Variants in CEP70 observed in about 807,000 individuals in gnomAD.
CEP70 encodes centrosomal protein of 70 kDa.
A neutral mutation model predicts 90.9 loss-of-function variants in CEP70; 70 were observed. The observed-to-expected ratio is 0.77, with a 90% confidence interval of 0.64 to 0.94. The LOEUF (loss-of-function observed/expected upper bound fraction) is 0.94, where lower values mean the gene tolerates loss of function less well. Ranked by LOEUF, CEP70 falls within the 40% of genes least tolerant of loss-of-function variation. The pLI is 0.00. For missense variants in CEP70, 648 were observed against 669.0 expected (o/e 0.97, Z 0.35); for synonymous variants, 220 against 228.3 (o/e 0.96, Z 0.33).
At chr3:138,584,083 G>T (rs1451881988) in intron 2 of CEP70, among the ~76,000 whole-genome samples, 3 of 151,942 alleles carry the variant, frequency 2.0e-5, no homozygotes, top group Non-Finnish European at 1.5e-5. Flanking sequence ...GATGAAAAAG[G>T]AGACATTACA....
intron 2 of CEP70, among the ~76,000 whole-genome samples, chr3:138,575,913 T>C (rs1164752776): frequency 6.6e-6 from 1 of 152,164 alleles, no homozygotes; most frequent in African/African-American, 2.4e-5. Flanking sequence ...AGAGATTGTG[T>C]CACCACCAGG....
chr3:138,553,423 T>C (rs1022585246), intron 6 of CEP70, among the ~76,000 whole-genome samples: 5 of 151,150 alleles, frequency 3.3e-5, no homozygotes, highest in Non-Finnish European at 7.4e-5. Context: ...GAGCTTGCAG[T>C]GAGCTGAGAT....
chr3:138,534,706 T>C (rs181339488), intron 7 of CEP70, among the ~76,000 whole-genome samples: 1 of 152,330 alleles, frequency 6.6e-6, no homozygotes, highest in Non-Finnish European at 1.5e-5. Flanking sequence ...TATATGGACT[T>C]TGGAAGTTCT....
chr3:138,537,400 T>C, intron 6 of CEP70, 53 bp from the exon 7 acceptor site: 1 of 1,257,656 alleles, frequency 8.0e-7, no homozygotes, highest in Non-Finnish European at 1.1e-6. Context: ...TAGGACATGC[T>C]ATCCTAACAG....
chr3:138,547,877 T>C (rs757780433), intron 6 of CEP70, among the ~76,000 whole-genome samples: 2 of 152,220 alleles, frequency 1.3e-5, no homozygotes, highest in Admixed American at 6.5e-5. Flanking sequence ...TTTAAACTTA[T>C]GAACTATTTA....
At chr3:138,555,141 C>T (rs551058215) in intron 6 of CEP70, among the ~76,000 whole-genome samples, 5 of 151,224 alleles carry the variant, frequency 3.3e-5, no homozygotes, top group African/African-American at 9.7e-5. Context: ...CCCACCTACT[C>T]GGAAGGCTGA....
In CEP70 at chr3:138,571,369, A is replaced by T; in HGVS notation, c.70-13T>A. On this transcript the variant is annotated splice_polypyrimidine_tract_variant and intron_variant, in intron 3 of 17. Coordinates refer to ENST00000264982, the MANE Select transcript of CEP70 (RefSeq NM_024491.4). The stretch of plus-strand genomic sequence containing the variant: ...CTGCTTCTTCCTGCTACAATTACAG[A>T]AAGAGAAGAAAGGGTTAACTTTAGA... 6.6e-7 allele frequency: 1 copy of T among 1,519,162 alleles called. No individual in the cohort carries two copies. Among genetic ancestry groups the T allele is most frequent in the Non-Finnish European group, 9.1e-7 (1 of 1,099,140 alleles). The allele number at this position is 1,519,162 out of a possible 1,614,324, so 94.1% of individuals were successfully genotyped here. A position where few individuals can be genotyped will look rare whatever the true frequency, so the allele number is the denominator to read the frequency against.
At chr3:138,525,036 T>C (rs1215083798) in intron 11 of CEP70, among the ~76,000 whole-genome samples, 1 of 152,124 alleles carries the variant, frequency 6.6e-6, no homozygotes, top group Non-Finnish European at 1.5e-5. Context: ...AATGATAGAC[T>C]GGATTAAGAA....
intron 1 of CEP70, chr3:138,592,881 TA>T (rs2042452545): frequency 6.6e-6 from 1 of 152,358 alleles, no homozygotes; most frequent in African/African-American, 2.4e-5. Flanking sequence ...AATGAACATG[TA>T]ACCCTTTCGA....
At chr3:138,592,655 T>C (rs1376782465) in intron 1 of CEP70, among the ~76,000 whole-genome samples, 4 of 152,190 alleles carry the variant, frequency 2.6e-5, no homozygotes, top group Non-Finnish European at 5.9e-5. Flanking sequence ...TCTGGCACTT[T>C]CTAGGTTTCC....
chr3:138,588,938 T>C (rs991790439), intron 2 of CEP70, among the ~76,000 whole-genome samples: 9 of 152,136 alleles, frequency 5.9e-5, no homozygotes, highest in African/African-American at 2.2e-4. Flanking sequence ...AATGTCAAAA[T>C]AATTACGCTG....
intron 6 of CEP70, among the ~76,000 whole-genome samples, chr3:138,556,510 A>G (rs1314122152): frequency 7.3e-6 from 1 of 136,920 alleles, no homozygotes; most frequent in Non-Finnish European, 1.6e-5. Context: ...CCTGGGTGAC[A>G]GAGTGAGACT....
Position 138,500,426 on chromosome 3 carries a change from T to A in CEP70, c.1510A>T (p.Arg504Ter), listed in dbSNP as rs2034391184. ...TRLGEMNNAV[R>*]NLQELLELDS... is the part of the protein sequence containing the mutation. The stretch of plus-strand genomic sequence containing the variant: ...AATTCTAAGAGTTCTTGGAGGTTTC[T>A]CACAGCATTGTTCATTTCTCCAAGC... The change falls in exon 15 of 18, where the codon AGA becomes TGA. Residue 504 changes from arginine (R) to a stop codon, truncating the protein, a stop_gained. Transcript: ENST00000264982. LOFTEE classifies it high-confidence loss of function. 1 of 1,597,506 alleles carries A rather than the reference T, an allele frequency of 6.3e-7. No individual in the cohort carries two copies. The highest frequency in any genetic ancestry group is 1.8e-5 in the Admixed American group (1 of 55,204).
At chr3:138,515,467 CAAA>C (rs145902706) in intron 11 of CEP70, among the ~76,000 whole-genome samples, 1 of 65,384 alleles carries the variant, frequency 1.5e-5, no homozygotes, top group African/African-American at 6.1e-5. Context: ...CATAGAAATG[CAAA>C]AAAAAAAAAA....
At chr3:138,552,226 G>C (rs529955524) in intron 6 of CEP70, among the ~76,000 whole-genome samples, 1 of 152,218 alleles carries the variant, frequency 6.6e-6, no homozygotes, top group East Asian at 1.9e-4. Flanking sequence ...CAATAATAGT[G>C]GGGGACTTCA....
At chr3:138,592,057 T>A (rs2042409771) in intron 1 of CEP70, 101 bp from the exon 2 acceptor site, 3 of 533,868 alleles carry the variant, frequency 5.6e-6, no homozygotes, top group Admixed American at 7.2e-5. Context: ...AAGGTACTGG[T>A]AATCACAGAT....
chr3:138,513,095 C>T (rs2035677532), intron 11 of CEP70, among the ~76,000 whole-genome samples: 2 of 152,180 alleles, frequency 1.3e-5, no homozygotes, highest in South Asian at 4.1e-4. Flanking sequence ...TGTTATATTT[C>T]AGGCACAGCC....
At chr3:138,566,954 C>T (rs886396451) in intron 6 of CEP70, among the ~76,000 whole-genome samples, 1 of 151,876 alleles carries the variant, frequency 6.6e-6, no homozygotes, top group Non-Finnish European at 1.5e-5. Context: ...TTGTAATAGC[C>T]AAAAACTAGA....
intron 6 of CEP70, among the ~76,000 whole-genome samples, chr3:138,555,985 C>A (rs1241566698): frequency 6.6e-6 from 1 of 152,150 alleles, no homozygotes. Context: ...TATACAAAAG[C>A]ACAATTCACA....
Sources: gnomAD v4.1 joint callset for allele counts (sites outside exome capture counted in the v4.1 genomes callset) on GRCh38, gnomAD v4.1.1 for gene constraint, MANE v1.5 for transcripts, NCBI Gene and HGNC (gene_info 2026-07-23, HGNC 2026-07-21) for gene names.